The following RASSF3 variants were observed in gnomAD, a reference collection of about 807,000 sequenced individuals.
RASSF3 encodes Ras association domain family member 3, also known as ras association domain-containing protein 3.
A neutral mutation model predicts 19.9 loss-of-function variants in RASSF3; 19 were observed. The observed-to-expected ratio is 0.96, with a 90% CI of 0.67 to 1.40. The LOEUF (loss-of-function observed/expected upper bound fraction) is 1.40. Among genes scored for constraint, RASSF3 ranks in the 40% most tolerant of loss-of-function variants. The pLI is 0.00. For synonymous variants in RASSF3, 110 were observed against 104.2 expected (o/e 1.06, Z -0.34); for missense variants, 306 against 289.8 (o/e 1.06, Z -0.41).
intron 1 of RASSF3, among the ~76,000 whole-genome samples, chr12:64,653,089 G>A (rs1310229284): frequency 1.3e-5 from 2 of 152,150 alleles, no homozygotes; most frequent in Non-Finnish European, 2.9e-5. Context: ...TCTCTTTTGA[G>A]ATAGGGTCTC....
intron 4 of RASSF3, among the ~76,000 whole-genome samples, chr12:64,691,802 T>G (rs1215718481): frequency 3.4e-5 from 4 of 117,078 alleles, no homozygotes; most frequent in Non-Finnish European, 7.7e-5. Flanking sequence ...TCTCACAACC[T>G]TATATTATTA....
At chr12:64,609,611 T>C (rs2136151214), upstream of RASSF3, among the ~76,000 whole-genome samples, 1 of 152,342 alleles carries the variant, frequency 6.6e-6, no homozygotes, top group East Asian at 1.9e-4. Flanking sequence ...ATTAGCTGAC[T>C]GAAGAGTTTT....
At chr12:64,544,049 A>G (rs1450090842), downstream of RASSF3, among the ~76,000 whole-genome samples, 1 of 152,172 alleles carries the variant, frequency 6.6e-6, no homozygotes, top group Non-Finnish European at 1.5e-5. Flanking sequence ...AGAATAAAGC[A>G]GGCTGCCAGA....
At chr12:64,550,846 G>GAAC (rs1869148521) in intron 2 of RASSF3, among the ~76,000 whole-genome samples, 1 of 116,762 alleles carries the variant, frequency 8.6e-6, no homozygotes, top group Admixed American at 8.4e-5. Flanking sequence ...AAGAAAGAAA[G>GAAC]GAAAAAAAAA....
At chr12:64,555,758 A>G (rs1319774465) in intron 2 of RASSF3, among the ~76,000 whole-genome samples, 3 of 151,676 alleles carry the variant, frequency 2.0e-5, no homozygotes, top group Admixed American at 1.3e-4. Flanking sequence ...CAAAAAAAAA[A>G]AAAGCCTCTA....
chr12:64,587,590 A>G (rs1869834632), intron 2 of RASSF3, among the ~76,000 whole-genome samples: 1 of 152,190 alleles, frequency 6.6e-6, no homozygotes. Context: ...CACAGGATTA[A>G]TGAGTCTGAA....
intron 1 of RASSF3, among the ~76,000 whole-genome samples, chr12:64,627,991 A>G (rs1304374385): frequency 6.6e-6 from 1 of 152,232 alleles, no homozygotes; most frequent in Non-Finnish European, 1.5e-5. Context: ...CAAATGAATT[A>G]GTTTAGAAAC....
chr12:64,601,423 G>A (rs867212028), intron 2 of RASSF3, among the ~76,000 whole-genome samples: 3 of 152,250 alleles, frequency 2.0e-5, no homozygotes, highest in Middle Eastern at 6.8e-3. Flanking sequence ...GAAGCTTTAG[G>A]TCTGAGGCCC....
In RASSF3 at chr12:64,595,064, CTT is replaced by C. The variant is rs1171762487; in HGVS notation, c.294+53381_294+53382del. ...TCTGAGATGACTTTTCATATGAAAT[CTT>C]TTTTTTTTTTTTTTTTTTTTTGAGA... is the stretch of plus-strand genomic sequence containing the variant. On this transcript the variant is annotated intron_variant, in intron 2 of 5. Coordinates refer to the RASSF3 transcript ENST00000637125. 3.2e-3 allele frequency among the ~76,000 whole-genome samples: 292 copies of C among 90,968 alleles called. 1 individual carries two copies. The highest frequency in any genetic ancestry group is 0.012 in the African/African-American group (269 of 23,154). 59.7% of individuals were successfully genotyped at this position (90,968 alleles called of 152,430 possible).
At chr12:64,574,204 A>G (rs988309077) in intron 2 of RASSF3, among the ~76,000 whole-genome samples, 22 of 151,778 alleles carry the variant, frequency 1.4e-4, no homozygotes, top group African/African-American at 5.1e-4. Context: ...CCAGCTACTC[A>G]GGAGCCTGAG....
rs751424822 is a variant in RASSF3, at chr12:64,610,718, A to C, written c.86A>C (p.Gln29Pro). Residue 29 changes from glutamine (Q) to proline (P), a missense_variant, in exon 1 of 5, where the codon CAG becomes CCG. By Grantham distance (76) the Gln-to-Pro change is moderately conservative (BLOSUM62 -1). Transcript: ENST00000542104. ...ACCTCCTTCTTCAGGAGAGCGCCCC[A>C]GGGCAAGCCCCGCTCCGGCCAACAA... ...ARTSFFRRAP[Q>P]GKPRSGQQDV... is the part of the protein sequence containing the mutation. The C allele has an allele frequency of 2.5e-6, 4 of 1,592,108 alleles. No individual in the cohort carries two copies. The highest frequency in any genetic ancestry group is 2.4e-5 in the East Asian group (1 of 41,896).
intron 1 of RASSF3, among the ~76,000 whole-genome samples, chr12:64,527,337 T>TA (rs1027330465): frequency 5.9e-5 from 9 of 152,134 alleles, no homozygotes; most frequent in Non-Finnish European, 1.0e-4. Flanking sequence ...TCCTCTTCCA[T>TA]AAAAAACAGA....
chr12:64,529,852 T>C (rs1258190440), upstream of RASSF3, among the ~76,000 whole-genome samples: 1 of 152,196 alleles, frequency 6.6e-6, no homozygotes, highest in African/African-American at 2.4e-5. Flanking sequence ...AGTATTACTA[T>C]GACAAACAGA....
chr12:64,617,082 T>G (rs773099677), intron 1 of RASSF3, among the ~76,000 whole-genome samples: 3 of 152,218 alleles, frequency 2.0e-5, no homozygotes, highest in Non-Finnish European at 4.4e-5. Flanking sequence ...GCCTGCTCAT[T>G]TTGGATGGAT....
At chr12:64,525,670 T>C (rs2136106590) in intron 1 of RASSF3, among the ~76,000 whole-genome samples, 1 of 152,276 alleles carries the variant, frequency 6.6e-6, no homozygotes, top group East Asian at 1.9e-4. Flanking sequence ...CAGGTGGCAG[T>C]GGTGAGCGTG....
intron 2 of RASSF3, among the ~76,000 whole-genome samples, chr12:64,592,192 C>T (rs779363954): frequency 3.9e-4 from 60 of 152,184 alleles, no homozygotes; most frequent in Non-Finnish European, 8.2e-4. Flanking sequence ...TGAGCCACCA[C>T]ATCAGCTATT....
intron 2 of RASSF3, among the ~76,000 whole-genome samples, chr12:64,586,317 CTG>C (rs1486881312): frequency 1.4e-5 from 2 of 147,362 alleles, no homozygotes; most frequent in East Asian, 4.0e-4. Context: ...GTGTGAGACT[CTG>C]TGTCAAAAAA....
chr12:64,676,016 T>C (rs1433066694), intron 1 of RASSF3, among the ~76,000 whole-genome samples: 3 of 151,832 alleles, frequency 2.0e-5, no homozygotes, highest in South Asian at 4.2e-4. Context: ...AAGATAAGCA[T>C]TGAGTCTCTA....
chr12:64,574,215 G>A (rs1269903511), intron 2 of RASSF3, among the ~76,000 whole-genome samples: 1 of 151,752 alleles, frequency 6.6e-6, no homozygotes, highest in African/African-American at 2.4e-5. Context: ...GGAGCCTGAG[G>A]CAGGAGAATG....
Sources: allele counts gnomAD v4.1 joint callset (sites outside exome capture counted in the v4.1 genomes callset), GRCh38; gene constraint gnomAD v4.1.1; transcripts MANE v1.5; gene names NCBI Gene and HGNC (gene_info 2026-07-23, HGNC 2026-07-21).